The following VMP1 variants were observed in gnomAD, a reference collection of about 807,000 sequenced individuals.
The protein encoded by VMP1 is vacuole membrane protein 1, also known as ectopic P-granules autophagy protein 3 homolog.
A neutral mutation model predicts 56.0 loss-of-function variants in VMP1; 11 were observed. The observed-to-expected ratio is 0.20, with a 90% CI of 0.12 to 0.32. The LOEUF is 0.32. VMP1 is among the 10% of genes least tolerant of loss of function. VMP1 has a pLI of 1.00. For synonymous variants in VMP1, 149 were observed against 165.0 expected, an observed-to-expected ratio of 0.90 and a Z score of 0.74; for missense variants, 296 against 490.3, an observed-to-expected ratio of 0.60 and a Z score of 3.74.
In VMP1 at chr17:59,760,048, G is replaced by GGGCAGTC. The variant is rs1305961205; in HGVS notation, c.415-4922_415-4916dup. ...GGCTGAGGTAGAATCTCATGAGCCTGGGCAGTCAAGACTCCACTGAGCTGT... is the reference window on the plus strand; with the variant it reads ...GGCTGAGGTAGAATCTCATGAGCCTGGGCAGTCGGCAGTCAAGACTCCACTGAGCTGT... On this transcript the variant is annotated intron_variant, in intron 5 of 11. Transcript: ENST00000262291. Among the ~76,000 whole-genome samples, 11 of 150,038 alleles carry GGGCAGTC rather than the reference G, an allele frequency of 7.3e-5. No homozygotes were observed. In the South Asian group the frequency reaches 2.3e-3, roughly 32 times the overall value.
chr17:59,833,077 A>C (rs1410526440), intron 10 of VMP1, among the ~76,000 whole-genome samples: 1 of 151,970 alleles, frequency 6.6e-6, no homozygotes, highest in Non-Finnish European at 1.5e-5. Context: ...CAACTATAGA[A>C]AGCCTTTGAA....
chr17:59,719,316 CACAA>C (rs3064258), intron 1 of VMP1, among the ~76,000 whole-genome samples: 13 of 150,506 alleles, frequency 8.6e-5, no homozygotes, highest in South Asian at 2.1e-4. Context: ...AAGACCCTGT[CACAA>C]ACAAACAAAC....
intron 9 of VMP1, among the ~76,000 whole-genome samples, chr17:59,813,297 G>A (rs1263496505): frequency 1.3e-5 from 2 of 152,010 alleles, no homozygotes; most frequent in East Asian, 3.9e-4. Context: ...TTTAATACTG[G>A]CCAGATGCGG....
intron 5 of VMP1, among the ~76,000 whole-genome samples, chr17:59,753,971 T>A (rs1323195009): frequency 1.3e-5 from 2 of 152,192 alleles, no homozygotes; most frequent in Non-Finnish European, 2.9e-5. Context: ...ATCCTTTGAA[T>A]GATATCTGTG....
intron 7 of VMP1, among the ~76,000 whole-genome samples, chr17:59,799,153 A>G (rs1010446652): frequency 1.3e-5 from 2 of 152,176 alleles, no homozygotes; most frequent in African/African-American, 2.4e-5. Context: ...TTATGCCTGC[A>G]TTGATTTTGA....
At chr17:59,782,355 A>C (rs1390504917) in intron 7 of VMP1, among the ~76,000 whole-genome samples, 1 of 152,092 alleles carries the variant, frequency 6.6e-6, no homozygotes, top group Non-Finnish European at 1.5e-5. Flanking sequence ...ACTATTTTCC[A>C]AGTGATTTTA....
At chr17:59,772,943 G>T (rs2036479732) in intron 6 of VMP1, among the ~76,000 whole-genome samples, 1 of 120,024 alleles carries the variant, frequency 8.3e-6, no homozygotes. Flanking sequence ...ACATATACTG[G>T]TGAATTCTTT....
At chr17:59,714,722 T>G (rs1051494463) in intron 1 of VMP1, among the ~76,000 whole-genome samples, 6 of 152,110 alleles carry the variant, frequency 3.9e-5, no homozygotes, top group Non-Finnish European at 8.8e-5. Context: ...ATTGTTAGAT[T>G]GCAGTGGCAC....
At chr17:59,822,078 G>C (rs899202370) in intron 10 of VMP1, among the ~76,000 whole-genome samples, 1 of 152,026 alleles carries the variant, frequency 6.6e-6, no homozygotes, top group Non-Finnish European at 1.5e-5. Context: ...CTGACCTCAG[G>C]TGGTCCGCCC....
chr17:59,778,350 C>G (rs1191005507), intron 7 of VMP1, among the ~76,000 whole-genome samples: 1 of 151,834 alleles, frequency 6.6e-6, no homozygotes, highest in Non-Finnish European at 1.5e-5. Flanking sequence ...ACCATCCTGG[C>G]TAACACAGTG....
chr17:59,816,491 T>C (rs1471431962), intron 9 of VMP1, among the ~76,000 whole-genome samples: 2 of 152,202 alleles, frequency 1.3e-5, no homozygotes, highest in Non-Finnish European at 2.9e-5. Flanking sequence ...GTTCCTGAGA[T>C]TCATAGTGAG....
intron 7 of VMP1, among the ~76,000 whole-genome samples, chr17:59,808,518 T>C (rs1400948788): frequency 6.6e-6 from 1 of 152,244 alleles, no homozygotes; most frequent in African/African-American, 2.4e-5. Flanking sequence ...TAGTTTACAG[T>C]ATTTTGTTAA....
intron 5 of VMP1, among the ~76,000 whole-genome samples, chr17:59,752,755 T>C (rs1033469965): frequency 6.6e-6 from 1 of 152,158 alleles, no homozygotes; most frequent in African/African-American, 2.4e-5. Context: ...ATGTCATGTG[T>C]AGGATGAACA....
chr17:59,835,461 GA>G (rs1281975377), intron 10 of VMP1, among the ~76,000 whole-genome samples: 1 of 150,770 alleles, frequency 6.6e-6, no homozygotes, highest in African/African-American at 2.4e-5. Context: ...TGATTTATGA[GA>G]AGGAAAGTTC....
intron 4 of VMP1, 111 bp from the exon 5 acceptor site, chr17:59,738,726 G>A (rs2035103807): frequency 1.3e-6 from 1 of 783,902 alleles, no homozygotes; most frequent in East Asian, 2.8e-5. Context: ...AATCTTATTA[G>A]TTTTTTCCTA....
At chr17:59,781,060 G>A (rs1419132861) in intron 7 of VMP1, among the ~76,000 whole-genome samples, 2 of 152,160 alleles carry the variant, frequency 1.3e-5, no homozygotes, top group Non-Finnish European at 2.9e-5. Flanking sequence ...TTGTTTTGCA[G>A]TTGAAGGGGT....
At chr17:59,818,174 G>A (rs1402967002) in intron 10 of VMP1, among the ~76,000 whole-genome samples, 3 of 152,072 alleles carry the variant, frequency 2.0e-5, no homozygotes, top group Non-Finnish European at 4.4e-5. Flanking sequence ...TGCATTTAAT[G>A]TAAATGTAAA....
chr17:59,714,049 A>G (rs2143703841), intron 1 of VMP1, among the ~76,000 whole-genome samples: 1 of 149,976 alleles, frequency 6.7e-6, no homozygotes, highest in African/African-American at 2.5e-5. Context: ...TTAAAAGGAA[A>G]AAAAAAAAAA....
chr17:59,774,939 A>G (rs2144041121), intron 7 of VMP1, among the ~76,000 whole-genome samples: 2 of 137,688 alleles, frequency 1.5e-5, no homozygotes, highest in South Asian at 4.6e-4. Context: ...TCTACAAAAA[A>G]AATTTTTTTT....
Sources: allele counts gnomAD v4.1 joint callset (sites outside exome capture counted in the v4.1 genomes callset), GRCh38; gene constraint gnomAD v4.1.1; transcripts MANE v1.5; gene names NCBI Gene and HGNC (gene_info 2026-07-23, HGNC 2026-07-21).